The following PCDHGA1 variants were observed in gnomAD, a reference collection of about 807,000 sequenced individuals.
PCDHGA1 encodes the protein protocadherin gamma-A1.
Under a neutral mutation model 58.0 loss-of-function variants are expected in PCDHGA1, and 32 were observed. That is an observed-to-expected ratio of 0.55 (90% CI 0.42 to 0.74). The LOEUF (loss-of-function observed/expected upper bound fraction) is 0.74, where lower values mean the gene tolerates loss of function less well. Ranked by LOEUF, PCDHGA1 falls within the 30% of genes least tolerant of loss-of-function variation. The probability of loss-of-function intolerance (pLI) is 0.00; values close to 1 mark genes in which losing one functional copy is unlikely to be tolerated. For synonymous variants in PCDHGA1, 498 were observed against 501.1 expected (o/e 0.99, Z 0.08); for missense variants, 1,205 against 1,182.3 (o/e 1.02, Z -0.28).
chr5:141,384,614 C>T, intron 1 of PCDHGA1: 1 of 1,614,222 alleles, frequency 6.2e-7, no homozygotes, highest in Non-Finnish European at 8.5e-7. Context: ...ACAGATGGTT[C>T]TACTGGCATG....
At chr5:141,374,291 G>A (rs988844728) in intron 1 of PCDHGA1, 2 of 1,613,858 alleles carry the variant, frequency 1.2e-6, no homozygotes, top group African/African-American at 1.3e-5. Flanking sequence ...CGTCTCCAGA[G>A]GTAGGATGCA....
At chr5:141,498,669 C>T (rs774292307) in intron 2 of PCDHGA1, among the ~76,000 whole-genome samples, 29 of 152,156 alleles carry the variant, frequency 1.9e-4, no homozygotes, top group African/African-American at 6.0e-4. Flanking sequence ...TGGTGGCTCA[C>T]GCCTGTAATC....
chr5:141,433,017 A>G, intron 1 of PCDHGA1: 2 of 1,614,124 alleles, frequency 1.2e-6, no homozygotes, highest in Non-Finnish European at 8.5e-7. Context: ...CTGCAGACCT[A>G]TTCCCACGAG....
chr5:141,421,530 C>A, intron 1 of PCDHGA1: 1 of 1,614,040 alleles, frequency 6.2e-7, no homozygotes, highest in Non-Finnish European at 8.5e-7. Context: ...AGACGGTGTC[C>A]TCCTGTTTTT....
chr5:141,375,327 T>A (rs1219155365), intron 1 of PCDHGA1: 2 of 1,613,686 alleles, frequency 1.2e-6, no homozygotes, highest in South Asian at 2.2e-5. Context: ...CGGGAAGAGG[T>A]ATTCTTGTAC....
chr5:141,360,560 T>G (rs746175290), intron 1 of PCDHGA1: 4 of 1,613,846 alleles, frequency 2.5e-6, no homozygotes, highest in Non-Finnish European at 3.4e-6. Flanking sequence ...AATTTAAAAA[T>G]TGGCGAATCC....
intron 1 of PCDHGA1, chr5:141,413,082 A>G: frequency 7.4e-7 from 1 of 1,344,446 alleles, no homozygotes; most frequent in African/African-American, 1.5e-5. Context: ...CCCAGGCTAC[A>G]GAGACACCCT....
At chr5:141,419,602 C>G (rs757423030) in intron 1 of PCDHGA1, 3 of 1,611,874 alleles carry the variant, frequency 1.9e-6, no homozygotes, top group African/African-American at 2.7e-5. Context: ...TGCCGCGGGC[C>G]GCGCAGCCAG....
intron 1 of PCDHGA1, among the ~76,000 whole-genome samples, chr5:141,349,607 G>C (rs1220640930): frequency 6.6e-6 from 1 of 152,068 alleles, no homozygotes; most frequent in Non-Finnish European, 1.5e-5. Context: ...TTTTTGAAAA[G>C]TATTACTGAA....
At chr5:141,357,607 G>T in intron 1 of PCDHGA1, 2 of 1,613,950 alleles carry the variant, frequency 1.2e-6, no homozygotes, top group Non-Finnish European at 1.7e-6. Context: ...AACAAAAGGA[G>T]ACCCTAATCT....
chr5:141,403,416 C>G, intron 1 of PCDHGA1: 1 of 1,614,034 alleles, frequency 6.2e-7, no homozygotes, highest in Non-Finnish European at 8.5e-7. Flanking sequence ...TATCCACTTC[C>G]AGAAGCTATT....
intron 1 of PCDHGA1, among the ~76,000 whole-genome samples, chr5:141,443,034 A>T (rs368996869): frequency 2.0e-5 from 3 of 152,172 alleles, no homozygotes; most frequent in East Asian, 3.8e-4. Context: ...CCAGACCTAA[A>T]CTTTGAAAAT....
chr5:141,423,554 A>G (rs1383467583), intron 1 of PCDHGA1: 8 of 1,613,590 alleles, frequency 5.0e-6, no homozygotes, highest in East Asian at 4.5e-5. Flanking sequence ...CAGCCCAACT[A>G]TGGGGACACG....
intron 1 of PCDHGA1, chr5:141,364,121 G>A: frequency 4.4e-6 from 2 of 459,268 alleles, no homozygotes; most frequent in Non-Finnish European, 7.6e-6. Context: ...GACTCTGAGT[G>A]TCGCTGTTGA....
intron 1 of PCDHGA1, chr5:141,389,929 T>A: frequency 6.2e-7 from 1 of 1,614,012 alleles, no homozygotes; most frequent in Non-Finnish European, 8.5e-7. Context: ...CCCTCTGACC[T>A]CCAGGCTGAG....
intron 1 of PCDHGA1, among the ~76,000 whole-genome samples, chr5:141,338,404 G>A (rs918851211): frequency 6.6e-6 from 1 of 152,164 alleles, no homozygotes; most frequent in Non-Finnish European, 1.5e-5. Context: ...CGTAGCTAAC[G>A]TTTCTTAATT....
At chr5:141,479,273 T>G (rs1723290487) in intron 1 of PCDHGA1, 1 of 152,386 alleles carries the variant, frequency 6.6e-6, no homozygotes, top group South Asian at 2.1e-4. Context: ...AGTAATAATT[T>G]ATTTCAAAAA....
chr5:141,478,514 G>A, intron 1 of PCDHGA1: 2 of 1,611,534 alleles, frequency 1.2e-6, no homozygotes, highest in Non-Finnish European at 1.7e-6. Context: ...CTATAGGCAG[G>A]TGTTGGGTGC....
intron 1 of PCDHGA1, chr5:141,426,679 T>A (rs1008777231): frequency 9.3e-6 from 4 of 431,308 alleles, no homozygotes; most frequent in African/African-American, 2.0e-5. Context: ...CCACCTCATT[T>A]TCCCCAAAAT....
Sources: gnomAD v4.1 joint callset for allele counts (sites outside exome capture counted in the v4.1 genomes callset) on GRCh38, gnomAD v4.1.1 for gene constraint, MANE v1.5 for transcripts, NCBI Gene and HGNC (gene_info 2026-07-23, HGNC 2026-07-21) for gene names.